Variants in RPS6KC1 observed in about 807,000 individuals in gnomAD.
The protein encoded by RPS6KC1 is ribosomal protein S6 kinase C1.
Under a neutral mutation model 103.8 loss-of-function variants are expected in RPS6KC1, and 54 were observed. That is an observed-to-expected ratio of 0.52 (90% CI 0.42 to 0.65). RPS6KC1 has a LOEUF of 0.65. Among genes scored for constraint, RPS6KC1 ranks in the 30% least tolerant of loss-of-function variants. The pLI, the probability that RPS6KC1 is intolerant of heterozygous loss-of-function variation, is 0.00. For synonymous variants in RPS6KC1, 439 were observed against 438.7 expected (o/e 1.00, Z -0.01); for missense variants, 1,151 against 1,253.8 (o/e 0.92, Z 1.24).
At chr1:213,206,753 T>C (rs1304770360) in intron 8 of RPS6KC1, among the ~76,000 whole-genome samples, 1 of 152,196 alleles carries the variant, frequency 6.6e-6, no homozygotes, top group Non-Finnish European at 1.5e-5. Context: ...AAAATTGGCC[T>C]AAATTACAAT....
At chr1:213,510,557 C>G in the RPS6KC1 span, among the ~76,000 whole-genome samples, 3 of 152,152 alleles carry the variant, frequency 2.0e-5, no homozygotes, top group African/African-American at 2.4e-5. Flanking sequence ...TTTGCAGTTA[C>G]TGAGCAATAT....
rs1276836283 is a variant in RPS6KC1 at position 213,240,486 on chromosome 1, A to T, written c.1226-216A>T. 2.0e-5 allele frequency among the ~76,000 whole-genome samples: 3 copies of T among 152,198 alleles called. No homozygotes were observed. The East Asian group carries it at 5.8e-4, about 29-fold the overall frequency. On this transcript the variant is annotated intron_variant, in intron 10 of 14. Coordinates refer to ENST00000366960, the MANE Select transcript of RPS6KC1 (RefSeq NM_012424.6). ...AGAAATAGGTTGTCACTTAAAAAAA[A>T]AATTGATATCAGGAGATATGCTTGA...
At chr1:213,301,754 A>G in the RPS6KC1 span, among the ~76,000 whole-genome samples, 2 of 146,280 alleles carry the variant, frequency 1.4e-5, no homozygotes, top group Non-Finnish European at 3.0e-5. Context: ...TATTTGTGAG[A>G]CAGAGTCTCT....
At chr1:213,823,316 G>A in the RPS6KC1 span, among the ~76,000 whole-genome samples, 1 of 152,188 alleles carries the variant, frequency 6.6e-6, no homozygotes, top group Admixed American at 6.5e-5. Flanking sequence ...TAGAGCCTAA[G>A]TTCTGTGAGA....
the RPS6KC1 span, among the ~76,000 whole-genome samples, chr1:213,782,473 G>A: frequency 6.6e-6 from 1 of 151,998 alleles, no homozygotes; most frequent in Admixed American, 6.6e-5. Flanking sequence ...ATTTTGTGAT[G>A]AGGAAGAAAA....
At chr1:213,148,718 C>T (rs1452045068) in intron 6 of RPS6KC1, among the ~76,000 whole-genome samples, 1 of 152,110 alleles carries the variant, frequency 6.6e-6, no homozygotes, top group East Asian at 1.9e-4. Context: ...AGTATTCCCT[C>T]CTCTATTTTT....
chr1:213,324,097 G>A, the RPS6KC1 span, among the ~76,000 whole-genome samples: 1 of 152,156 alleles, frequency 6.6e-6, no homozygotes. Flanking sequence ...TATAAAAGCA[G>A]AAATAAAAGA....
the RPS6KC1 span, among the ~76,000 whole-genome samples, chr1:213,858,166 TTAACTG>T: frequency 1.3e-5 from 2 of 152,186 alleles, no homozygotes; most frequent in African/African-American, 4.8e-5. Flanking sequence ...AATAAAAACT[TTAACTG>T]GGAGCTTACT....
At chr1:213,324,931 G>A in the RPS6KC1 span, among the ~76,000 whole-genome samples, 1 of 151,948 alleles carries the variant, frequency 6.6e-6, no homozygotes, top group Non-Finnish European at 1.5e-5. Context: ...CCGTGGGGTG[G>A]GGGCTCTAAC....
At chr1:213,392,482 A>G in the RPS6KC1 span, among the ~76,000 whole-genome samples, 4 of 152,228 alleles carry the variant, frequency 2.6e-5, no homozygotes, top group African/African-American at 4.8e-5. Context: ...ACTTAAGGGT[A>G]GATTACAGGA....
At chr1:213,860,422 T>C in the RPS6KC1 span, among the ~76,000 whole-genome samples, 13 of 151,582 alleles carry the variant, frequency 8.6e-5, no homozygotes, top group African/African-American at 2.7e-4. Flanking sequence ...AAAATACCTA[T>C]AGCAGAAGTG....
chr1:213,435,855 A>G, the RPS6KC1 span, among the ~76,000 whole-genome samples: 39 of 148,010 alleles, frequency 2.6e-4, no homozygotes, highest in African/African-American at 9.5e-4. Context: ...CCCAGCCCCC[A>G]CCCCTGTACT....
At chr1:213,578,318 T>A in the RPS6KC1 span, among the ~76,000 whole-genome samples, 3 of 152,206 alleles carry the variant, frequency 2.0e-5, no homozygotes, top group African/African-American at 7.2e-5. Context: ...ATAGAGAACC[T>A]CTGCTAGGGC....
the RPS6KC1 span, among the ~76,000 whole-genome samples, chr1:213,382,867 G>A: frequency 6.6e-6 from 1 of 152,234 alleles, no homozygotes; most frequent in Non-Finnish European, 1.5e-5. Context: ...TTTGCCCCTG[G>A]TAGATAATGA....
At chr1:213,234,054 G>A (rs2094166974) in intron 10 of RPS6KC1, among the ~76,000 whole-genome samples, 1 of 143,442 alleles carries the variant, frequency 7.0e-6, no homozygotes, top group Admixed American at 7.2e-5. Flanking sequence ...TTAGGGTCTT[G>A]CTCTGTCTCC....
At chr1:213,161,971 T>TG (rs2090517028) in intron 6 of RPS6KC1, among the ~76,000 whole-genome samples, 1 of 152,202 alleles carries the variant, frequency 6.6e-6, no homozygotes, top group Non-Finnish European at 1.5e-5. Context: ...AAATCCTTTT[T>TG]GGGGGTCAGG....
the RPS6KC1 span, among the ~76,000 whole-genome samples, chr1:213,376,084 C>CTGTGTGTGTGTGTG: frequency 1.4e-5 from 2 of 140,266 alleles, no homozygotes; most frequent in South Asian, 2.5e-4. Flanking sequence ...CTCGTGACAA[C>CTGTGTGTGTGTGTG]TGTGTGTGTG....
the RPS6KC1 span, among the ~76,000 whole-genome samples, chr1:213,836,737 C>A: frequency 6.6e-6 from 1 of 151,992 alleles, no homozygotes; most frequent in African/African-American, 2.4e-5. Flanking sequence ...ATTTTTTACT[C>A]TTTTTTACTC....
the RPS6KC1 span, among the ~76,000 whole-genome samples, chr1:213,435,359 C>T: frequency 9.2e-5 from 14 of 152,094 alleles, no homozygotes; most frequent in Admixed American, 2.0e-4. Flanking sequence ...AATTTTTATT[C>T]TCATTATTGT....
Sources: gnomAD v4.1 joint callset for allele counts (sites outside exome capture counted in the v4.1 genomes callset) on GRCh38, gnomAD v4.1.1 for gene constraint, MANE v1.5 for transcripts, NCBI Gene and HGNC (gene_info 2026-07-23, HGNC 2026-07-21) for gene names.